The following ZNF516 variants were observed in gnomAD, a reference collection of about 807,000 sequenced individuals.
ZNF516 encodes the protein zinc finger protein 516.
ZNF516 carries 19 observed loss-of-function variants against 79.7 expected under a neutral mutation model. That is an observed-to-expected ratio of 0.24 (90% confidence interval 0.17 to 0.35). ZNF516 has a LOEUF of 0.35. ZNF516 is among the 10% of genes least tolerant of loss of function. The probability of loss-of-function intolerance (pLI) is 1.00; values close to 1 mark genes in which losing one functional copy is unlikely to be tolerated. For missense variants in ZNF516, 1,678 were observed against 1,679.5 expected, an observed-to-expected ratio of 1.00 and a Z score of 0.02; for synonymous variants, 877 against 739.5, an observed-to-expected ratio of 1.19 and a Z score of -3.02.
rs1488409945 is a variant in ZNF516 at position 76,493,536 on chromosome 18, A to G, written c.-272+1608T>C. The G allele has an allele frequency of 1.3e-5, 2 of 152,234 alleles. No individual in the cohort carries two copies. The highest frequency in any genetic ancestry group is 1.3e-4 in the Admixed American group (2 of 15,292). 9.4% of individuals were successfully genotyped at this position (152,234 alleles called of 1,614,324 possible). A position where few individuals can be genotyped will look rare whatever the true frequency, so the allele number is the denominator to read the frequency against. ...ATCGTGTTTCCTTAAGAAAGAACTG[A>G]CCTATTTTTGGCTGGAGATAAACGA... On this transcript the variant is annotated intron_variant, in intron 1 of 6. Coordinates refer to ENST00000443185, the MANE Select transcript of ZNF516 (RefSeq NM_014643.4). This position sits in a 1 kb window ranked among gnomAD's most constrained non-coding sequence, Gnocchi z 5.2.
intron 6 of ZNF516, among the ~76,000 whole-genome samples, chr18:76,369,663 A>T (rs903162754): frequency 3.3e-5 from 5 of 152,182 alleles, no homozygotes; most frequent in African/African-American, 1.2e-4. Flanking sequence ...AATCCCACAG[A>T]CAATTAGATA....
chr18:76,397,209 C>T (rs2075159665), intron 3 of ZNF516, among the ~76,000 whole-genome samples: 1 of 152,200 alleles, frequency 6.6e-6, no homozygotes, highest in Non-Finnish European at 1.5e-5. Flanking sequence ...CAGCGTGGGT[C>T]TTGCCCTCAT....
At chr18:76,381,903 G>A (rs981666178) in intron 3 of ZNF516, among the ~76,000 whole-genome samples, 7 of 152,320 alleles carry the variant, frequency 4.6e-5, no homozygotes, top group East Asian at 3.9e-4. Flanking sequence ...GGGCCGAGGC[G>A]GGTGGGTCAC....
chr18:76,405,211 C>T (rs1012060435), intron 3 of ZNF516, among the ~76,000 whole-genome samples: 1 of 152,084 alleles, frequency 6.6e-6, no homozygotes. Context: ...GCCCCCCGAA[C>T]TGTGCAGCCT....
intron 2 of ZNF516, among the ~76,000 whole-genome samples, chr18:76,448,689 G>A (rs775251350): frequency 3.3e-5 from 5 of 152,148 alleles, no homozygotes; most frequent in Non-Finnish European, 7.3e-5. Context: ...CCAGTCCTAG[G>A]GCGGTGCGGT....
At chr18:76,395,818 A>G (rs2075137073) in intron 3 of ZNF516, among the ~76,000 whole-genome samples, 1 of 152,192 alleles carries the variant, frequency 6.6e-6, no homozygotes, top group Non-Finnish European at 1.5e-5. Flanking sequence ...GTCACACTGC[A>G]GCCGGCCGTG....
intron 3 of ZNF516, among the ~76,000 whole-genome samples, chr18:76,434,242 A>G (rs1197681376): frequency 6.6e-6 from 1 of 152,182 alleles, no homozygotes; most frequent in African/African-American, 2.4e-5. Context: ...TTCAAGCCAG[A>G]GAAACAAGTT....
At chr18:76,372,273 C>G (rs116566792) in intron 4 of ZNF516, among the ~76,000 whole-genome samples, 2 of 152,246 alleles carry the variant, frequency 1.3e-5, no homozygotes, top group Non-Finnish European at 2.9e-5. Flanking sequence ...AAAAGCCACA[C>G]GACTTTGATT....
chr18:76,450,785 T>G (rs112012535), intron 2 of ZNF516, among the ~76,000 whole-genome samples: 2 of 152,224 alleles, frequency 1.3e-5, no homozygotes, highest in African/African-American at 4.8e-5. Context: ...AGGGAAAAAC[T>G]GTAAAACATC....
rs1231035833 is a variant in ZNF516, at chr18:76,370,549, G to C, written c.3411C>G (p.Thr1137=). 6.2e-7 allele frequency: 1 copy of C among 1,608,368 alleles called. No individual in the cohort carries two copies. Among genetic ancestry groups the C allele is most frequent in the Non-Finnish European group, 8.5e-7 (1 of 1,177,190 alleles). ...CTACTTGTTTGGGGGCGTCTGCGGA[G>C]GTGGTATGAACTTCAGAACCCCGAG... ...DGPRGSEVHT[T]SADAPKQGRD... The change falls in exon 6 of 7, where the codon ACC becomes ACG. Residue 1137 remains threonine, a synonymous_variant. Coordinates refer to ENST00000443185, the MANE Select transcript of ZNF516 (RefSeq NM_014643.4).
rs1226529711 is a variant in ZNF516, at chr18:76,441,683, G to A, written c.1372C>T (p.Leu458=). The change falls in exon 3 of 7, where the codon CTG becomes TTG. Residue 458 remains leucine, a synonymous_variant. Transcript: ENST00000443185. ...AFDKDRREYV[L]VSQEKRKREQ... is the part of the protein sequence containing the mutation. ...CGCTTGCGCTTCTCCTGGCTCACCA[G>A]GACGTACTCGCGCCTGTCCTTGTCG... The A allele has an allele frequency of 1.7e-5, 26 of 1,559,158 alleles. No homozygotes were observed. Among genetic ancestry groups the A allele is most frequent in the Non-Finnish European group, 2.1e-5 (24 of 1,154,754 alleles).
rs1475495067 is a variant in ZNF516 at position 76,442,089 on chromosome 18, G to C, written c.966C>G (p.Val322=). 1.2e-6 allele frequency: 2 copies of C among 1,613,992 alleles called. No individual in the cohort carries two copies. Among genetic ancestry groups the C allele is most frequent in the African/African-American group, 1.3e-5 (1 of 75,066 alleles). ...GGCCGGCGACGATCACCTCCTCCTG[G>C]ACCACGTTGTTGATGGTGGCGATGG... ...LDPIATINNV[V]QEEVIVAGLS... is the part of the protein sequence containing the mutation. Residue 322 remains valine (V), a synonymous_variant, in exon 3 of 7, where the codon GTC becomes GTG. Coordinates refer to ENST00000443185, the MANE Select transcript of ZNF516 (RefSeq NM_014643.4).
rs542507843 is a variant in ZNF516 at position 76,451,516 on chromosome 18, T to C, written c.-157-8305A>G. Among the ~76,000 whole-genome samples the C allele has an allele frequency of 1.3e-5, 2 of 152,228 alleles. No homozygotes were observed. The highest frequency in any genetic ancestry group is 2.9e-5 in the Non-Finnish European group (2 of 68,046). ...TTACAGGGCTGTCTGCAAAGGCGTA[T>C]GATGGCTCCAAAAGGCAAATCATAA... is the stretch of plus-strand genomic sequence containing the variant. On this transcript the variant is annotated intron_variant, in intron 2 of 6. Coordinates refer to ENST00000443185, the MANE Select transcript of ZNF516 (RefSeq NM_014643.4). This position sits in a 1 kb window ranked among gnomAD's most constrained non-coding sequence, Gnocchi z 6.0.
chr18:76,483,500 T>C (rs1599160788), intron 1 of ZNF516, among the ~76,000 whole-genome samples: 1 of 152,174 alleles, frequency 6.6e-6, no homozygotes, highest in East Asian at 1.9e-4. Flanking sequence ...CATCGGCATC[T>C]GTCTGTCACG....
chr18:76,361,104 A>C lies in ZNF516; in HGVS notation c.*1394T>G, dbSNP rs1469324764. 3 of 152,192 alleles carry C rather than the reference A, an allele frequency of 2.0e-5. No homozygotes were observed. Among genetic ancestry groups the C allele is most frequent in the African/African-American group, 7.2e-5 (3 of 41,444 alleles). 9.4% of individuals were successfully genotyped at this position (152,192 alleles called of 1,614,324 possible). On this transcript the variant is annotated 3_prime_UTR_variant, in exon 7 of 7. Transcript: ENST00000443185. Reference sequence around the variant, plus strand: ...GCCTTTACAAAATTTCACAATTAAAAAAAAACCTAGTAAAGCTTTTGCAAA... The same window carrying C: ...GCCTTTACAAAATTTCACAATTAAACAAAAACCTAGTAAAGCTTTTGCAAA...
chr18:76,431,268 C>A (rs576065509), intron 3 of ZNF516, among the ~76,000 whole-genome samples: 2 of 152,122 alleles, frequency 1.3e-5, no homozygotes, highest in East Asian at 1.9e-4. Context: ...CACACACACA[C>A]AAAAACACTT....
chr18:76,492,814 G>C, intron 1 of ZNF516: 1 of 986,192 alleles, frequency 1.0e-6, no homozygotes, highest in Non-Finnish European at 1.2e-6. Context: ...ACGTTCGGAG[G>C]GGGAGGCGCT....
intron 3 of ZNF516, among the ~76,000 whole-genome samples, chr18:76,436,463 C>A (rs2145492744): frequency 6.6e-6 from 1 of 152,320 alleles, no homozygotes; most frequent in South Asian, 2.1e-4. Flanking sequence ...TGTGTGAGGA[C>A]AAGCGCTCCT....
At chr18:76,391,179 G>C (rs141317389) in intron 3 of ZNF516, among the ~76,000 whole-genome samples, 2 of 152,128 alleles carry the variant, frequency 1.3e-5, no homozygotes, top group Admixed American at 1.3e-4. Flanking sequence ...TGAAGAGTCT[G>C]CACTTTAGGA....
Sources: allele counts gnomAD v4.1 joint callset (sites outside exome capture counted in the v4.1 genomes callset), GRCh38; gene constraint gnomAD v4.1.1; non-coding constraint Gnocchi (gnomAD v3.1); transcripts MANE v1.5; gene names NCBI Gene and HGNC (gene_info 2026-07-23, HGNC 2026-07-21).